GADL1: variants seen among roughly 807,000 people sequenced by gnomAD.
The protein encoded by GADL1 is acidic amino acid decarboxylase GADL1.
GADL1 carries 71 observed loss-of-function variants against 69.5 expected under a neutral mutation model. The ratio of observed to expected loss-of-function variants is 1.02; its 90% confidence interval spans 0.84 to 1.25. The LOEUF is 1.25. GADL1 is among the 50% of genes most tolerant of loss of function. GADL1 has a pLI of 0.00. For missense variants in GADL1, 737 were observed against 631.8 expected (o/e 1.17, Z -1.79); for synonymous variants, 254 against 214.4 (o/e 1.18, Z -1.62).
chr3:30,859,951 C>CT (rs1269695274), intron 2 of GADL1, among the ~76,000 whole-genome samples: 2 of 151,916 alleles, frequency 1.3e-5, no homozygotes, highest in African/African-American at 4.8e-5. Context: ...CGTTTCTCAT[C>CT]TTATTAGTCC....
At position 30,790,122 on chromosome 3, in the gene GADL1, A is replaced by T. The variant is rs78673926; in HGVS notation, c.1251-3716T>A. ...TTCTAGATTATTTGAAGTGACAGAC[A>T]TGTGACTCTTCCTTTCATTTGAACA... is the stretch of plus-strand genomic sequence containing the variant. On this transcript the variant is annotated intron_variant, in intron 12 of 14. Transcript: ENST00000282538. 5.9e-5 allele frequency among the ~76,000 whole-genome samples: 9 copies of T among 152,278 alleles called. No individual in the cohort carries two copies. The East Asian group carries it at 1.7e-3, about 29-fold the overall frequency.
At chr3:30,842,406 C>T (rs114901430) in intron 8 of GADL1, among the ~76,000 whole-genome samples, 161 of 152,030 alleles carry the variant, frequency 1.1e-3, no homozygotes, top group African/African-American at 3.7e-3. Flanking sequence ...GGAGCATGAG[C>T]CTAATGACTG....
At chr3:30,751,840 ACAC>A (rs1695827975) in intron 14 of GADL1, among the ~76,000 whole-genome samples, 1 of 152,228 alleles carries the variant, frequency 6.6e-6, no homozygotes, top group Non-Finnish European at 1.5e-5. Context: ...CTCTGACTAA[ACAC>A]AGAAGTAGGA....
chr3:30,750,784 T>C (rs1695798480), intron 14 of GADL1, among the ~76,000 whole-genome samples: 1 of 152,190 alleles, frequency 6.6e-6, no homozygotes. Flanking sequence ...TTCTTCAAAC[T>C]AACTTATTTT....
intron 4 of GADL1, among the ~76,000 whole-genome samples, chr3:30,853,915 A>T (rs1376909908): frequency 2.0e-5 from 3 of 152,102 alleles, no homozygotes; most frequent in Non-Finnish European, 4.4e-5. Context: ...GCACCTAGTG[A>T]CTTAGAAACC....
intron 14 of GADL1, among the ~76,000 whole-genome samples, chr3:30,738,801 T>C (rs1352835141): frequency 6.6e-6 from 1 of 152,164 alleles, no homozygotes; most frequent in Non-Finnish European, 1.5e-5. Flanking sequence ...AGATGTCACA[T>C]TCACACCTTA....
chr3:30,737,431 AAAACAC>A (rs1695555418), intron 14 of GADL1, among the ~76,000 whole-genome samples: 1 of 152,210 alleles, frequency 6.6e-6, no homozygotes, highest in Non-Finnish European at 1.5e-5. Flanking sequence ...TAAAGTGTTT[AAAACAC>A]TTAACCATGG....
chr3:30,833,880 G>A lies in GADL1; in HGVS notation c.1023C>T (p.Cys341=). The change falls in exon 11 of 15, where the codon TGC becomes TGT. Residue 341 remains cysteine (C), a synonymous_variant. Coordinates refer to ENST00000282538, the MANE Select transcript of GADL1 (RefSeq NM_207359.3). The part of the protein sequence containing the change: ...PHKMLMAGIQ[C]CALLVKDKSD... ...ATTTGTCTTTCACAAGGAGAGCACA[G>A]CACTGGATCCCAGCCATCAGCATCT... 1 of 1,612,714 alleles carries A rather than the reference G, an allele frequency of 6.2e-7. No homozygotes were observed. The highest frequency in any genetic ancestry group is 8.5e-7 in the Non-Finnish European group (1 of 1,179,132).
chr3:30,742,337 A>C (rs1695638288), intron 14 of GADL1, among the ~76,000 whole-genome samples: 1 of 150,972 alleles, frequency 6.6e-6, no homozygotes, highest in Non-Finnish European at 1.5e-5. Flanking sequence ...ATTATACTTT[A>C]TTTAAGTTAA....
At chr3:30,864,653 C>T (rs1698370429) in intron 1 of GADL1, among the ~76,000 whole-genome samples, 1 of 151,968 alleles carries the variant, frequency 6.6e-6, no homozygotes, top group Admixed American at 6.6e-5. Context: ...AAAAGGCCCT[C>T]TGGAGACTCT....
At chr3:30,784,946 C>T (rs1404759333) in intron 13 of GADL1, among the ~76,000 whole-genome samples, 1 of 152,186 alleles carries the variant, frequency 6.6e-6, no homozygotes. Flanking sequence ...CTCTCTTCAG[C>T]TTTAAGCCTT....
At chr3:30,829,845 G>C (rs1697758102) in intron 11 of GADL1, among the ~76,000 whole-genome samples, 1 of 151,722 alleles carries the variant, frequency 6.6e-6, no homozygotes, top group Non-Finnish European at 1.5e-5. Flanking sequence ...AATATTACAT[G>C]AAAAATCATA....
intron 14 of GADL1, among the ~76,000 whole-genome samples, chr3:30,761,962 A>G (rs1335676388): frequency 6.6e-6 from 1 of 152,002 alleles, no homozygotes; most frequent in East Asian, 1.9e-4. Flanking sequence ...TGGGAGTGAG[A>G]ATCTAATAGA....
intron 1 of GADL1, among the ~76,000 whole-genome samples, chr3:30,870,885 G>C (rs2125540820): frequency 6.6e-6 from 1 of 151,796 alleles, no homozygotes; most frequent in African/African-American, 2.4e-5. Context: ...ACTGATCTGG[G>C]GAATGCTGGG....
At chr3:30,864,309 AG>A (rs1364704597) in intron 1 of GADL1, among the ~76,000 whole-genome samples, 1 of 151,908 alleles carries the variant, frequency 6.6e-6, no homozygotes, top group Admixed American at 6.6e-5. Context: ...AGGGAATAAC[AG>A]CAGCTCTATA....
At chr3:30,862,813 T>C (rs1229829452) in intron 1 of GADL1, among the ~76,000 whole-genome samples, 3 of 151,980 alleles carry the variant, frequency 2.0e-5, no homozygotes, top group Non-Finnish European at 4.4e-5. Context: ...CCCCTCTTCC[T>C]TTAGGTGCGT....
intron 13 of GADL1, among the ~76,000 whole-genome samples, chr3:30,783,549 A>C (rs1368091563): frequency 6.6e-6 from 1 of 152,234 alleles, no homozygotes; most frequent in East Asian, 1.9e-4. Context: ...ATACATGTAC[A>C]TATACATATA....
intron 14 of GADL1, among the ~76,000 whole-genome samples, chr3:30,762,439 TTCAAAG>T (rs1696159955): frequency 6.6e-6 from 1 of 152,180 alleles, no homozygotes; most frequent in Admixed American, 6.5e-5. Context: ...AACAAACAAC[TTCAAAG>T]TCAGATTAGA....
Position 30,844,247 on chromosome 3 carries a change from T to C in GADL1, c.749A>G (p.Glu250Gly), listed in dbSNP as rs1199785367. The stretch of plus-strand genomic sequence containing the variant: ...TTGCCAGACTTGCTTCTCCAGTTCC[T>C]CAGGTATCATTTTACCTCTAAGGGA... ...ETDGRGKMIP[E>G]ELEKQVWQAR... Residue 250 changes from glutamate (E) to glycine (G), a missense_variant, in exon 8 of 15, where the codon GAG becomes GGG. By Grantham distance (98) the Glu-to-Gly change is moderately conservative (BLOSUM62 -2). Coordinates refer to ENST00000282538, the MANE Select transcript of GADL1 (RefSeq NM_207359.3). 2 of 1,612,368 alleles carry C rather than the reference T, an allele frequency of 1.2e-6. No individual in the cohort carries two copies. Among genetic ancestry groups the C allele is most frequent in the Non-Finnish European group, 1.7e-6 (2 of 1,179,346 alleles).
Sources: allele counts gnomAD v4.1 joint callset (sites outside exome capture counted in the v4.1 genomes callset), GRCh38; gene constraint gnomAD v4.1.1; transcripts MANE v1.5; gene names NCBI Gene and HGNC (gene_info 2026-07-23, HGNC 2026-07-21).